The following CDC23 variants were observed in gnomAD, a reference collection of about 807,000 sequenced individuals.
CDC23 encodes the protein cell division cycle 23.
Under a neutral mutation model 81.7 loss-of-function variants are expected in CDC23, and 26 were observed. That is an observed-to-expected ratio of 0.32 (90% confidence interval 0.23 to 0.44). The LOEUF (loss-of-function observed/expected upper bound fraction) is 0.44. CDC23 is among the 20% of genes least tolerant of loss of function. The pLI, the probability that CDC23 is intolerant of heterozygous loss-of-function variation, is 1.00. For synonymous variants in CDC23, 267 were observed against 270.8 expected (o/e 0.99, Z 0.14); for missense variants, 519 against 728.0 (o/e 0.71, Z 3.30).
intron 11 of CDC23, 69 bp from the exon 12 acceptor site, chr5:138,192,006 G>T: frequency 7.7e-7 from 1 of 1,290,446 alleles, no homozygotes; most frequent in South Asian, 1.2e-5. Context: ...TGAGGAACCA[G>T]TACACCACTA....
Position 138,192,388 on chromosome 5 carries a change from T to C in CDC23, c.1167A>G (p.Arg389=), listed in dbSNP as rs1219896942. The part of the protein sequence containing the change: ...KNTSAAIQAY[R]HAIEVNKRDY... ...CCCGTTTGTTGACCTCAATGGCATG[T>C]CTAAGAAATGGAAAAGACAGGTTGT... The change falls in exon 11 of 16, where the codon AGA becomes AGG. Residue 389 remains arginine, a splice_region_variant and synonymous_variant. Coordinates refer to ENST00000394886, the MANE Select transcript of CDC23 (RefSeq NM_004661.4). 6.2e-7 allele frequency: 1 copy of C among 1,614,122 alleles called. No homozygotes were observed. The highest frequency in any genetic ancestry group is 8.5e-7 in the Non-Finnish European group (1 of 1,180,026).
At chr5:138,202,033 A>G in intron 4 of CDC23, 80 bp downstream of exon 4, 1 of 981,488 alleles carries the variant, frequency 1.0e-6, no homozygotes, top group Non-Finnish European at 1.6e-6. Flanking sequence ...GACCATTCAT[A>G]TTACCTGCCT....
At chr5:138,197,869 G>A (rs1754935212) in intron 9 of CDC23, among the ~76,000 whole-genome samples, 1 of 152,320 alleles carries the variant, frequency 6.6e-6, no homozygotes, top group East Asian at 1.9e-4. Flanking sequence ...TTCAGAGTAG[G>A]ATTAATCAGT....
chr5:138,193,631 CA>C (rs532362948), intron 9 of CDC23, among the ~76,000 whole-genome samples: 66 of 132,708 alleles, frequency 5.0e-4, no homozygotes, highest in African/African-American at 4.7e-4. Flanking sequence ...GATTCTGTCT[CA>C]AAAAAAAAAA....
chr5:138,197,590 G>A (rs4994127), intron 9 of CDC23, among the ~76,000 whole-genome samples: 44,452 of 148,626 alleles, frequency 0.3, 7,741 homozygotes, highest in South Asian at 0.43. Context: ...TCCACCTCCC[G>A]GGTTCATGTG....
At chr5:138,191,164 G>A (rs1428667652) in intron 13 of CDC23, among the ~76,000 whole-genome samples, 1 of 151,978 alleles carries the variant, frequency 6.6e-6, no homozygotes, top group Non-Finnish European at 1.5e-5. Flanking sequence ...TGCCCAGGCT[G>A]GAGTGCAATG....
At position 138,213,224 on chromosome 5, in the gene CDC23, C is replaced by G; in HGVS notation, c.89G>C (p.Arg30Pro). 6.2e-7 allele frequency: 1 copy of G among 1,614,128 alleles called. No homozygotes were observed. The highest frequency in any genetic ancestry group is 1.1e-5 in the South Asian group (1 of 91,074). Residue 30 changes from arginine to proline, a missense_variant, in exon 1 of 16, where the codon CGG becomes CCG. Around this residue, in one of 4 missense-constraint regions of CDC23, gnomAD observed 126 missense variants for 116.2 expected, o/e 1.08. Transcript: ENST00000394886. ...AAGCAGCAGTTGCTTTTTAATTTCC[C>G]GCAAATCTGAGAAATCGCTGTTTAT... is the stretch of plus-strand genomic sequence containing the variant. ...LSINSDFSDL[R>P]EIKKQLLLIA...
chr5:138,212,968 G>T lies in CDC23; in HGVS notation c.234+23C>A, dbSNP rs17228311. On this transcript the variant is annotated intron_variant, in intron 2 of 15. Transcript: ENST00000394886. The stretch of plus-strand genomic sequence containing the variant: ...GCACACCCCTGGGTTGATGGGGAGC[G>T]CTCACTGTAAACATGTCCTTACCTC... The T allele has an allele frequency of 2.6e-4, 421 of 1,601,516 alleles. 1 individual carries two copies. The African/African-American group carries it at 4.8e-3, about 18-fold the overall frequency.
At chr5:138,207,931 AAAAAAAC>A (rs889711265) in intron 2 of CDC23, among the ~76,000 whole-genome samples, 11 of 152,082 alleles carry the variant, frequency 7.2e-5, no homozygotes, top group Non-Finnish European at 1.5e-4. Context: ...CTGTCTCAAA[AAAAAAAC>A]AAAAAACAAA....
At chr5:138,201,305 A>C (rs1355737570) in intron 5 of CDC23, 38 bp downstream of exon 5, 2 of 1,613,012 alleles carry the variant, frequency 1.2e-6, no homozygotes, top group East Asian at 4.5e-5. Flanking sequence ...ACTCAGGAGA[A>C]TATGTTACAG....
At chr5:138,195,788 ATT>A (rs539799005) in intron 9 of CDC23, among the ~76,000 whole-genome samples, 29 of 113,856 alleles carry the variant, frequency 2.5e-4, no homozygotes, top group Non-Finnish European at 3.7e-4. Context: ...ATATACATAT[ATT>A]TTATATATGT....
intron 9 of CDC23, among the ~76,000 whole-genome samples, chr5:138,196,078 C>T (rs1387429703): frequency 6.6e-6 from 1 of 150,932 alleles, no homozygotes; most frequent in Non-Finnish European, 1.5e-5. Context: ...TGAAAGCTAG[C>T]GTATTATTTT....
In CDC23 at chr5:138,200,796, G is replaced by A. The variant is rs1400538073; in HGVS notation, c.654+311C>T. ...GATCGCACCACTGCACTCCAGCCTA[G>A]ATGAAAGAGCAAGACTCCGTCTCAA... On this transcript the variant is annotated intron_variant, in intron 6 of 15. Coordinates refer to ENST00000394886, the MANE Select transcript of CDC23 (RefSeq NM_004661.4). 3 of 250,014 alleles carry A rather than the reference G, an allele frequency of 1.2e-5. No individual in the cohort carries two copies. In the South Asian group the frequency reaches 1.9e-4, roughly 16 times the overall value. The allele number at this position is 250,014 out of a possible 1,614,324, so 15.5% of individuals were successfully genotyped here.
Position 138,191,855 on chromosome 5 carries a change from A to G in CDC23, c.1362+7T>C. On this transcript the variant is annotated splice_region_variant and intron_variant, in intron 12 of 15. Coordinates refer to ENST00000394886, the MANE Select transcript of CDC23 (RefSeq NM_004661.4). The stretch of plus-strand genomic sequence containing the variant: ...ACTCAAATTCTTCAGGACCCAATTT[A>G]AGGTACCTTTTTGGCTTCCACTAGT... 1.9e-6 allele frequency: 3 copies of G among 1,602,008 alleles called. No individual in the cohort carries two copies. The highest frequency in any genetic ancestry group is 2.6e-6 in the Non-Finnish European group (3 of 1,168,944).
At chr5:138,211,152 G>A (rs1031443160) in intron 2 of CDC23, among the ~76,000 whole-genome samples, 2 of 152,128 alleles carry the variant, frequency 1.3e-5, no homozygotes, top group African/African-American at 4.8e-5. Flanking sequence ...AGAAAATGTG[G>A]TACATATACA....
Position 138,213,260 on chromosome 5 carries a change from G to A in CDC23, c.53C>T (p.Pro18Leu), listed in dbSNP as rs1481640865. The change falls in exon 1 of 16, where the codon CCT becomes CTT. Residue 18 changes from proline to leucine, a missense_variant. Coordinates refer to ENST00000394886, the MANE Select transcript of CDC23 (RefSeq NM_004661.4). Reference protein sequence around the residue: ...VPVAVTAAVAPVLSINSDFSD... With the variant: ...VPVAVTAAVALVLSINSDFSD... ...GAAATCGCTGTTTATGGACAGGACAGGCGCCACTGCCGCCGTCACAGCCAC... is the reference window on the plus strand; with the variant it reads ...GAAATCGCTGTTTATGGACAGGACAAGCGCCACTGCCGCCGTCACAGCCAC... 6.2e-7 allele frequency: 1 copy of A among 1,613,958 alleles called. No homozygotes were observed. The highest frequency in any genetic ancestry group is 2.2e-5 in the East Asian group (1 of 44,908).
intron 2 of CDC23, 48 bp downstream of exon 2, chr5:138,212,943 G>GC (rs762882295): frequency 1.2e-5 from 18 of 1,532,408 alleles, no homozygotes; most frequent in Admixed American, 3.4e-5. Context: ...GGCTCTTGAG[G>GC]CACACCCCTG....
rs776401588 is a variant in CDC23 at position 138,189,044 on chromosome 5, T to TGAA, written c.1725_1727dup (p.Ser576dup). ...GTGTGGGGGTATTGTTAGCAGAGAG[T>TGAA]GAAGCAGGTAGGAAAAAGGGAGCAG... On this transcript the variant is annotated inframe_insertion, in exon 16 of 16. Transcript: ENST00000394886. The TGAA allele has an allele frequency of 5.0e-6, 8 of 1,613,528 alleles. No individual in the cohort carries two copies. In the South Asian group the frequency reaches 8.8e-5, roughly 18 times the overall value.
chr5:138,199,903 G>A (rs1754966612), intron 6 of CDC23, among the ~76,000 whole-genome samples: 1 of 152,130 alleles, frequency 6.6e-6, no homozygotes, highest in Admixed American at 6.6e-5. Context: ...TCACTACTGG[G>A]GGAAATCAAC....
Sources: gnomAD v4.1 joint callset for allele counts (sites outside exome capture counted in the v4.1 genomes callset) on GRCh38, gnomAD v4.1.1 for gene constraint, gnomAD v4.1.1 regional missense constraint, MANE v1.5 for transcripts, NCBI Gene and HGNC (gene_info 2026-07-23, HGNC 2026-07-21) for gene names.